The following PSEN1 variants were observed in gnomAD, a reference collection of about 807,000 sequenced individuals.
PSEN1 encodes presenilin-1.
Under a neutral mutation model 53.5 loss-of-function variants are expected in PSEN1, and 15 were observed. That is an observed-to-expected ratio of 0.28 (90% CI 0.19 to 0.43). The LOEUF (loss-of-function observed/expected upper bound fraction) is 0.43. Ranked by LOEUF, PSEN1 falls within the 20% of genes least tolerant of loss-of-function variation. The pLI, the probability that PSEN1 is intolerant of heterozygous loss-of-function variation, is 1.00. For synonymous variants in PSEN1, 208 were observed against 209.8 expected (o/e 0.99, Z 0.08); for missense variants, 387 against 571.2 (o/e 0.68, Z 3.29).
chr14:73,191,602 C>CA (rs1418205792), intron 6 of PSEN1, among the ~76,000 whole-genome samples: 20 of 151,502 alleles, frequency 1.3e-4, no homozygotes, highest in Non-Finnish European at 2.8e-4. Context: ...GGCTGGAGTG[C>CA]AGTAGTGTGA....
At chr14:73,157,337 C>G (rs1255079036) in intron 3 of PSEN1, among the ~76,000 whole-genome samples, 2 of 151,670 alleles carry the variant, frequency 1.3e-5, no homozygotes, top group South Asian at 4.2e-4. Flanking sequence ...TGGGGTTTCA[C>G]CGTGTTGGCC....
chr14:73,186,098 G>T (rs894424781), intron 5 of PSEN1, among the ~76,000 whole-genome samples: 4 of 152,174 alleles, frequency 2.6e-5, no homozygotes, highest in Non-Finnish European at 5.9e-5. Context: ...ATATTCAAAT[G>T]TTGGCTAGGT....
chr14:73,162,825 G>A (rs946090464), intron 3 of PSEN1, among the ~76,000 whole-genome samples: 2 of 152,204 alleles, frequency 1.3e-5, no homozygotes, highest in Non-Finnish European at 2.9e-5. Context: ...TATGTAGAAA[G>A]AAACTTTGAA....
At chr14:73,178,458 G>A (rs970358679) in intron 5 of PSEN1, among the ~76,000 whole-genome samples, 1 of 152,096 alleles carries the variant, frequency 6.6e-6, no homozygotes, top group Non-Finnish European at 1.5e-5. Flanking sequence ...AAAGTGCTGG[G>A]ATTACAGACG....
At chr14:73,173,760 G>T (rs770310070) in intron 5 of PSEN1, 53 bp downstream of exon 5, 17 of 1,588,816 alleles carry the variant, frequency 1.1e-5, no homozygotes, top group Non-Finnish European at 1.5e-5. Context: ...TTATGGTTGG[G>T]TATTCTTGTC....
chr14:73,185,615 AGAGAGG>A (rs145412152), intron 5 of PSEN1, among the ~76,000 whole-genome samples: 3,971 of 152,104 alleles, frequency 0.026, 166 homozygotes, highest in African/African-American at 0.091. Flanking sequence ...CCGTGGGGAG[AGAGAGG>A]GAGAGGGAGA....
intron 9 of PSEN1, among the ~76,000 whole-genome samples, chr14:73,211,068 CA>C (rs1899658388): frequency 1.3e-5 from 2 of 152,140 alleles, no homozygotes; most frequent in African/African-American, 2.4e-5. Flanking sequence ...TGAGTGCCAA[CA>C]GTTAGGAAGC....
chr14:73,157,433 C>T (rs1243568891), intron 3 of PSEN1, among the ~76,000 whole-genome samples: 2 of 152,094 alleles, frequency 1.3e-5, no homozygotes, highest in African/African-American at 4.8e-5. Context: ...GTCACCACGC[C>T]CAGCCCAAGA....
At chr14:73,176,298 C>G (rs1898045549) in intron 5 of PSEN1, among the ~76,000 whole-genome samples, 1 of 152,238 alleles carries the variant, frequency 6.6e-6, no homozygotes, top group Non-Finnish European at 1.5e-5. Context: ...TTTTCTTTAT[C>G]CCTTTTTTTG....
intron 3 of PSEN1, among the ~76,000 whole-genome samples, chr14:73,150,484 C>G (rs1274358606): frequency 6.6e-6 from 1 of 152,092 alleles, no homozygotes; most frequent in Non-Finnish European, 1.5e-5. Context: ...AAACTTTAGG[C>G]TGGGTGTGGT....
At chr14:73,174,015 G>T in intron 5 of PSEN1, 1 of 541,240 alleles carries the variant, frequency 1.8e-6, no homozygotes. Flanking sequence ...AATATTGGAA[G>T]TATTTTATAT....
intron 6 of PSEN1, chr14:73,189,808 C>G (rs2140086976): frequency 3.9e-6 from 1 of 255,132 alleles, no homozygotes; most frequent in Non-Finnish European, 8.2e-6. Context: ...TCCCCTTAAG[C>G]TGAGCAGTGT....
chr14:73,216,917 T>G (rs1215866588), intron 10 of PSEN1, among the ~76,000 whole-genome samples: 4 of 152,182 alleles, frequency 2.6e-5, no homozygotes, highest in Non-Finnish European at 5.9e-5. Context: ...CATCTACAGT[T>G]AAGACTCCAG....
At chr14:73,206,301 T>A (rs1899451646) in intron 8 of PSEN1, 85 bp from the exon 9 acceptor site, 1 of 931,810 alleles carries the variant, frequency 1.1e-6, no homozygotes, top group Non-Finnish European at 1.8e-6. Context: ...AGACTGGCGA[T>A]TTGTGTGGAG....
intron 9 of PSEN1, among the ~76,000 whole-genome samples, 158 bp downstream of exon 9, chr14:73,206,630 A>T (rs1899466524): frequency 6.6e-6 from 1 of 152,226 alleles, no homozygotes; most frequent in Non-Finnish European, 1.5e-5. Flanking sequence ...ATAAGTATTT[A>T]AGGAGTTCAG....
intron 3 of PSEN1, among the ~76,000 whole-genome samples, chr14:73,167,141 A>G (rs1202770444): frequency 3.1e-5 from 2 of 63,996 alleles, no homozygotes; most frequent in Non-Finnish European, 5.1e-5. Context: ...CCAAGAGTAT[A>G]TGGTACCAGC....
intron 8 of PSEN1, chr14:73,206,011 CA>C: frequency 4.2e-6 from 1 of 238,948 alleles, no homozygotes; most frequent in Non-Finnish European, 8.3e-6. Flanking sequence ...GAATTATAAT[CA>C]CCATCTGAGG....
rs1347638933 is a variant in PSEN1 at position 73,138,786 on chromosome 14, C to T, written c.-136+2203C>T. On this transcript the variant is annotated intron_variant, in intron 1 of 11. Transcript: ENST00000324501. ...CATCCTGGCTAACACGGTGAAACCC[C>T]ATCTCTACTAAAAAATACAAAAAAA... Among the ~76,000 whole-genome samples the T allele has an allele frequency of 2.7e-5, 4 of 147,386 alleles. No homozygotes were observed. The East Asian group carries it at 6.2e-4, about 23-fold the overall frequency.
intron 8 of PSEN1, among the ~76,000 whole-genome samples, chr14:73,201,075 TTTTGTTTGTTTG>T (rs78560838): frequency 3.3e-5 from 5 of 150,838 alleles, no homozygotes; most frequent in South Asian, 2.1e-4. Flanking sequence ...GAGAATATCT[TTTTGTTTGTTTG>T]TTTGTTTGTT....
Sources: allele counts gnomAD v4.1 joint callset (sites outside exome capture counted in the v4.1 genomes callset), GRCh38; gene constraint gnomAD v4.1.1; transcripts MANE v1.5; gene names NCBI Gene and HGNC (gene_info 2026-07-23, HGNC 2026-07-21).